LAMA2: variants seen among roughly 807,000 people sequenced by gnomAD.
LAMA2 encodes the protein laminin subunit alpha 2.
In LAMA2, 269 loss-of-function variants were observed where a neutral mutation model predicts 364.8. That is an observed-to-expected ratio of 0.74 (90% CI 0.67 to 0.82). The LOEUF (loss-of-function observed/expected upper bound fraction) is 0.82. Ranked by LOEUF, LAMA2 falls within the 40% of genes least tolerant of loss-of-function variation. The pLI is 0.00. For synonymous variants in LAMA2, 1,379 were observed against 1,370.6 expected, an observed-to-expected ratio of 1.01 and a Z score of -0.14; for missense variants, 3,807 against 3,873.2, an observed-to-expected ratio of 0.98 and a Z score of 0.45.
intron 63 of LAMA2, 63 bp downstream of exon 63, chr6:129,512,556 T>C: frequency 3.8e-6 from 6 of 1,565,696 alleles, no homozygotes; most frequent in Non-Finnish European, 5.3e-6. Context: ...GTAGATATCA[T>C]CCATGTGTGG....
intron 22 of LAMA2, among the ~76,000 whole-genome samples, chr6:129,306,590 T>C (rs183592755): frequency 5.3e-5 from 8 of 151,828 alleles, no homozygotes; most frequent in Admixed American, 4.6e-4. Context: ...CTGGAAATCA[T>C]TTTTTGTATG....
intron 40 of LAMA2, among the ~76,000 whole-genome samples, chr6:129,406,323 A>T (rs897387810): frequency 6.6e-6 from 1 of 152,222 alleles, no homozygotes; most frequent in African/African-American, 2.4e-5. Flanking sequence ...ATTATTTTGT[A>T]AAGAGTAATA....
chr6:129,242,382 T>A (rs1024058965), intron 12 of LAMA2, among the ~76,000 whole-genome samples: 8 of 152,180 alleles, frequency 5.3e-5, no homozygotes, highest in African/African-American at 1.9e-4. Context: ...TTGTTATCTA[T>A]TTGACAATAG....
intron 1 of LAMA2, chr6:128,929,332 C>T (rs1208090983): frequency 4.6e-5 from 53 of 1,153,500 alleles, no homozygotes; most frequent in East Asian, 1.2e-4. Context: ...GCCAAGTACA[C>T]GGCCCAAAGA....
intron 35 of LAMA2, among the ~76,000 whole-genome samples, chr6:129,386,984 A>G (rs1185974089): frequency 6.6e-6 from 1 of 152,086 alleles, no homozygotes; most frequent in Admixed American, 6.6e-5. Flanking sequence ...TTTTGGTCCT[A>G]ACCACATTGA....
intron 51 of LAMA2, among the ~76,000 whole-genome samples, chr6:129,466,137 G>T (rs897859405): frequency 6.6e-6 from 1 of 151,826 alleles, no homozygotes; most frequent in Non-Finnish European, 1.5e-5. Context: ...TATCTGCCAG[G>T]CACCTTCTAA....
intron 1 of LAMA2, among the ~76,000 whole-genome samples, chr6:128,992,865 T>C (rs1335149677): frequency 6.6e-6 from 1 of 152,174 alleles, no homozygotes; most frequent in Non-Finnish European, 1.5e-5. Flanking sequence ...AATCTACTGA[T>C]ATGAAGAGAA....
chr6:129,069,522 C>G (rs912054803), intron 3 of LAMA2, among the ~76,000 whole-genome samples: 3 of 148,820 alleles, frequency 2.0e-5, no homozygotes, highest in Non-Finnish European at 4.5e-5. Context: ...GATCTTGAAA[C>G]TGTGACTAAA....
chr6:129,364,525 G>T (rs1421558939), intron 32 of LAMA2, among the ~76,000 whole-genome samples: 2 of 152,086 alleles, frequency 1.3e-5, no homozygotes, highest in Admixed American at 1.3e-4. Context: ...TCATTACTCT[G>T]CAATGCAAAA....
intron 1 of LAMA2, among the ~76,000 whole-genome samples, chr6:129,039,278 CA>C (rs1283844834): frequency 1.3e-5 from 2 of 151,896 alleles, no homozygotes; most frequent in Non-Finnish European, 2.9e-5. Context: ...GAACATGCAA[CA>C]AAAAGGGAGA....
chr6:129,420,830 T>C (rs956882838), intron 40 of LAMA2, among the ~76,000 whole-genome samples: 1 of 152,146 alleles, frequency 6.6e-6, no homozygotes, highest in Non-Finnish European at 1.5e-5. Flanking sequence ...CACACCTCCC[T>C]CCTCCAGCAG....
At chr6:129,017,089 A>G (rs1185413573) in intron 1 of LAMA2, among the ~76,000 whole-genome samples, 1 of 151,944 alleles carries the variant, frequency 6.6e-6, no homozygotes, top group Non-Finnish European at 1.5e-5. Context: ...AACCAGAACT[A>G]CATTTAAATG....
chr6:129,104,419 A>C (rs9388686), intron 4 of LAMA2, among the ~76,000 whole-genome samples: 108,227 of 152,186 alleles, frequency 0.71, 41,070 homozygotes, highest in Admixed American at 0.83. Flanking sequence ...GAACATTAAT[A>C]GGAAATAGTT....
At chr6:128,940,895 G>A (rs992298946) in intron 1 of LAMA2, among the ~76,000 whole-genome samples, 8 of 152,270 alleles carry the variant, frequency 5.3e-5, no homozygotes, top group East Asian at 3.9e-4. Flanking sequence ...AGGCTGCAGC[G>A]TGCTGAGATC....
intron 3 of LAMA2, among the ~76,000 whole-genome samples, chr6:129,079,502 C>T (rs1773895068): frequency 6.6e-6 from 1 of 151,358 alleles, no homozygotes; most frequent in Non-Finnish European, 1.5e-5. Context: ...TCCCATCGGC[C>T]ATACACAAGG....
chr6:129,019,825 G>A (rs1785307354), intron 1 of LAMA2, among the ~76,000 whole-genome samples: 1 of 152,326 alleles, frequency 6.6e-6, no homozygotes, highest in South Asian at 2.1e-4. Flanking sequence ...GCTCACGCCT[G>A]TAATCCTAGC....
chr6:128,910,688 G>A (rs373720310), intron 1 of LAMA2, among the ~76,000 whole-genome samples: 7 of 152,196 alleles, frequency 4.6e-5, no homozygotes, highest in South Asian at 2.1e-4. Context: ...GAGGAACTGC[G>A]TTCCTTTGGA....
At chr6:129,319,327 A>T (rs1160471789) in intron 27 of LAMA2, among the ~76,000 whole-genome samples, 1 of 152,212 alleles carries the variant, frequency 6.6e-6, no homozygotes, top group Non-Finnish European at 1.5e-5. Context: ...ATAAATGTCT[A>T]ATTAATTGGC....
intron 10 of LAMA2, 134 bp downstream of exon 10, chr6:129,178,000 G>T (rs1254434604): frequency 6.6e-6 from 6 of 905,672 alleles, no homozygotes; most frequent in Non-Finnish European, 8.8e-6. Context: ...TACGTGTGGT[G>T]ACCCACCAGG....
Sources: allele counts gnomAD v4.1 joint callset (sites outside exome capture counted in the v4.1 genomes callset), GRCh38; gene constraint gnomAD v4.1.1; transcripts MANE v1.5; gene names NCBI Gene and HGNC (gene_info 2026-07-23, HGNC 2026-07-21).